PGAP1: variants seen among roughly 807,000 people sequenced by gnomAD.
PGAP1 encodes the protein post-GPI attachment to proteins inositol deacylase 1, also known as GPI inositol-deacylase.
In PGAP1, 76 loss-of-function variants were observed where a neutral mutation model predicts 127.0. The ratio of observed to expected loss-of-function variants is 0.60; its 90% CI spans 0.50 to 0.72. The LOEUF (loss-of-function observed/expected upper bound fraction) is 0.72, where lower values mean the gene tolerates loss of function less well. Ranked by LOEUF, PGAP1 falls within the 30% of genes least tolerant of loss-of-function variation. The pLI is 0.00. For missense variants in PGAP1, 982 were observed against 1,071.3 expected, an observed-to-expected ratio of 0.92 and a Z score of 1.16; for synonymous variants, 362 against 366.5, an observed-to-expected ratio of 0.99 and a Z score of 0.14.
At chr2:196,916,620 A>G (rs766850757) in intron 2 of PGAP1, 27 bp from the exon 3 acceptor site, 10 of 1,556,020 alleles carry the variant, frequency 6.4e-6, no homozygotes, top group Non-Finnish European at 8.7e-6. Context: ...TGAAGTGCAC[A>G]TTAAACAATA....
At chr2:196,893,874 G>A (rs1702181611) in intron 7 of PGAP1, among the ~76,000 whole-genome samples, 1 of 152,106 alleles carries the variant, frequency 6.6e-6, no homozygotes, top group Non-Finnish European at 1.5e-5. Flanking sequence ...AATCCATTTG[G>A]TATTGACCAT....
chr2:196,842,866 C>T, intron 25 of PGAP1, 41 bp from the exon 26 acceptor site: 1 of 943,940 alleles, frequency 1.1e-6, no homozygotes, highest in South Asian at 1.8e-5. Flanking sequence ...CAACAATGAC[C>T]TGATCATTTT....
chr2:196,843,555 C>T (rs1358857291), intron 25 of PGAP1, among the ~76,000 whole-genome samples: 1 of 152,014 alleles, frequency 6.6e-6, no homozygotes, highest in Non-Finnish European at 1.5e-5. Context: ...ACAGTTCACC[C>T]TTTTGGGCTG....
chr2:196,889,049 AT>A, intron 10 of PGAP1, among the ~76,000 whole-genome samples: 1 of 152,310 alleles, frequency 6.6e-6, no homozygotes, highest in East Asian at 1.9e-4. Context: ...AATTGAAAAG[AT>A]TTTTTTAAAA....
intron 20 of PGAP1, among the ~76,000 whole-genome samples, chr2:196,859,146 G>C (rs1397363731): frequency 6.6e-6 from 1 of 152,074 alleles, no homozygotes; most frequent in Non-Finnish European, 1.5e-5. Context: ...GGTCAACATG[G>C]TGAAACACTG....
At chr2:196,887,713 A>G (rs1299914374) in intron 10 of PGAP1, among the ~76,000 whole-genome samples, 1 of 152,240 alleles carries the variant, frequency 6.6e-6, no homozygotes, top group Non-Finnish European at 1.5e-5. Context: ...CATTCAGCTT[A>G]CATAAAATGT....
intron 20 of PGAP1, among the ~76,000 whole-genome samples, chr2:196,864,575 G>A (rs1458273133): frequency 1.3e-5 from 2 of 151,784 alleles, no homozygotes; most frequent in Admixed American, 1.3e-4. Context: ...ACTTAATCTG[G>A]TTAGACTCAA....
chr2:196,872,033 G>A (rs1008967520), intron 18 of PGAP1, among the ~76,000 whole-genome samples: 2 of 152,054 alleles, frequency 1.3e-5, no homozygotes, highest in Admixed American at 6.6e-5. Flanking sequence ...AAAATAATTA[G>A]TGAAAAGGAA....
chr2:196,890,331 A>G (rs190439269), intron 10 of PGAP1, among the ~76,000 whole-genome samples: 177 of 152,340 alleles, frequency 1.2e-3, no homozygotes, highest in Non-Finnish European at 2.0e-3. Flanking sequence ...CATTAAAAAG[A>G]AACACAAAAA....
intron 12 of PGAP1, among the ~76,000 whole-genome samples, chr2:196,882,861 T>C (rs1701774944): frequency 6.6e-6 from 1 of 152,218 alleles, no homozygotes; most frequent in Non-Finnish European, 1.5e-5. Flanking sequence ...TCTTGCCTGA[T>C]TGCCCTGGCC....
chr2:196,871,742 A>G (rs1701417689), intron 18 of PGAP1, among the ~76,000 whole-genome samples: 1 of 152,192 alleles, frequency 6.6e-6, no homozygotes, highest in African/African-American at 2.4e-5. Context: ...TTATCCTTGA[A>G]AAGTTAGTTC....
intron 20 of PGAP1, among the ~76,000 whole-genome samples, chr2:196,862,194 C>T (rs974678372): frequency 2.0e-5 from 3 of 152,004 alleles, no homozygotes; most frequent in East Asian, 1.9e-4. Context: ...AAAGAGAATA[C>T]GCGCCTGAGG....
intron 1 of PGAP1, among the ~76,000 whole-genome samples, chr2:196,923,186 G>A (rs894516915): frequency 6.6e-6 from 1 of 152,066 alleles, no homozygotes; most frequent in African/African-American, 2.4e-5. Flanking sequence ...ATATATACAA[G>A]CAAATATGTT....
intron 9 of PGAP1, among the ~76,000 whole-genome samples, chr2:196,891,711 T>C (rs1702105615): frequency 6.6e-6 from 1 of 152,096 alleles, no homozygotes; most frequent in Non-Finnish European, 1.5e-5. Flanking sequence ...TTTCTGTAAG[T>C]ATATAGAATT....
chr2:196,845,533 G>A (rs1256144495), intron 23 of PGAP1, among the ~76,000 whole-genome samples: 11 of 147,238 alleles, frequency 7.5e-5, no homozygotes, highest in East Asian at 5.9e-4. Flanking sequence ...TTTTTGTTTC[G>A]TCTCTTACCC....
At position 196,833,050 on chromosome 2, in the gene PGAP1, A is replaced by T. The variant is rs1700136885; in HGVS notation, c.*8184T>A. ...TTTTGAACATTCAGAACACCAGATT[A>T]TCACAGATTAAAAAGAAAGCACCAA... On this transcript the variant is annotated 3_prime_UTR_variant, in exon 27 of 27. Transcript: ENST00000354764. 1 of 152,546 alleles carries T rather than the reference A, an allele frequency of 6.6e-6. No homozygotes were observed. The allele number at this position is 152,546 out of a possible 1,614,324, so 9.4% of individuals were successfully genotyped here. A position where few individuals can be genotyped will look rare whatever the true frequency, so the allele number is the denominator to read the frequency against.
chr2:196,845,513 C>T (rs1036259645), intron 23 of PGAP1, among the ~76,000 whole-genome samples: 2 of 151,334 alleles, frequency 1.3e-5, no homozygotes, highest in African/African-American at 4.8e-5. Context: ...CTTGATCCTA[C>T]TGACATCACT....
At chr2:196,924,452 T>C (rs1000764760) in intron 1 of PGAP1, among the ~76,000 whole-genome samples, 1 of 152,202 alleles carries the variant, frequency 6.6e-6, no homozygotes, top group Non-Finnish European at 1.5e-5. Context: ...AATCTCACTA[T>C]GTTCAAAATG....
intron 20 of PGAP1, among the ~76,000 whole-genome samples, chr2:196,853,544 C>T (rs1559334142): frequency 6.6e-6 from 1 of 152,104 alleles, no homozygotes; most frequent in Non-Finnish European, 1.5e-5. Context: ...ATTCAAGTAC[C>T]CATTCATCAG....
Sources: allele counts gnomAD v4.1 joint callset (sites outside exome capture counted in the v4.1 genomes callset), GRCh38; gene constraint gnomAD v4.1.1; transcripts MANE v1.5; gene names NCBI Gene and HGNC (gene_info 2026-07-23, HGNC 2026-07-21).